The following CSMD3 variants were observed in gnomAD, a reference collection of about 807,000 sequenced individuals.
CSMD3 encodes the protein CUB and sushi domain-containing protein 3.
In CSMD3, 177 loss-of-function variants were observed where a neutral mutation model predicts 435.2. That is an observed-to-expected ratio of 0.41 (90% CI 0.36 to 0.46). CSMD3 has a LOEUF of 0.46. Among genes scored for constraint, CSMD3 ranks in the 20% least tolerant of loss-of-function variants. The pLI is 0.34. For synonymous variants in CSMD3, 1,656 were observed against 1,520.5 expected (o/e 1.09, Z -2.07); for missense variants, 4,265 against 4,504.6 (o/e 0.95, Z 1.52).
intron 13 of CSMD3, among the ~76,000 whole-genome samples, chr8:112,700,485 A>C (rs765121322): frequency 2.0e-5 from 3 of 152,164 alleles, no homozygotes; most frequent in Non-Finnish European, 4.4e-5. Context: ...TGGGCAACAA[A>C]AGCAGAACTC....
chr8:112,763,002 GTATTAACAATATTTC>G (rs1345074325), intron 13 of CSMD3, among the ~76,000 whole-genome samples: 1 of 151,580 alleles, frequency 6.6e-6, no homozygotes, highest in African/African-American at 2.4e-5. Flanking sequence ...ATGACTATAG[GTATTAACAATATTTC>G]TAGAAAAATG....
chr8:113,190,439 G>C (rs1481400107), intron 3 of CSMD3, among the ~76,000 whole-genome samples: 1 of 151,788 alleles, frequency 6.6e-6, no homozygotes, highest in Non-Finnish European at 1.5e-5. Context: ...TTGAAGCACA[G>C]AATGCATGGA....
At chr8:112,429,483 A>T (rs1008486612) in intron 32 of CSMD3, among the ~76,000 whole-genome samples, 1 of 152,104 alleles carries the variant, frequency 6.6e-6, no homozygotes, top group Non-Finnish European at 1.5e-5. Flanking sequence ...CTAGCATGAA[A>T]GACAGCCATT....
chr8:112,620,010 A>G (rs949106869), intron 22 of CSMD3, among the ~76,000 whole-genome samples: 1 of 152,140 alleles, frequency 6.6e-6, no homozygotes, highest in African/African-American at 2.4e-5. Flanking sequence ...CTGATTACAT[A>G]ATAAATAACC....
chr8:112,945,457 A>G (rs144591210), intron 9 of CSMD3, among the ~76,000 whole-genome samples: 1 of 151,878 alleles, frequency 6.6e-6, no homozygotes, highest in African/African-American at 2.4e-5. Context: ...AAAGTAGCCT[A>G]TGGGTACACA....
chr8:113,428,563 G>T (rs1270220760), intron 1 of CSMD3, among the ~76,000 whole-genome samples: 1 of 151,704 alleles, frequency 6.6e-6, no homozygotes, highest in Non-Finnish European at 1.5e-5. Flanking sequence ...ATACTTATTA[G>T]AATTCAATAC....
At chr8:112,666,890 TTTTC>T (rs575548993) in intron 16 of CSMD3, among the ~76,000 whole-genome samples, 30 of 152,186 alleles carry the variant, frequency 2.0e-4, no homozygotes, top group Non-Finnish European at 4.0e-4. Flanking sequence ...TCATCTGCTA[TTTTC>T]TTTCTTACTT....
chr8:113,435,019 G>C (rs1337881111), intron 1 of CSMD3, among the ~76,000 whole-genome samples: 1 of 152,174 alleles, frequency 6.6e-6, no homozygotes, highest in Non-Finnish European at 1.5e-5. Context: ...CCTCCCCCAC[G>C]CGAAGCGCGC....
In CSMD3 at chr8:112,893,650, C is replaced by T. The variant is rs148897144; in HGVS notation, c.1633+27977G>A. Reference sequence around the variant, plus strand: ...TTGCATATTCTCTGAGGCAGACTCTCTGGTATTTGAGTGCCTTACCAACTG... The same window carrying T: ...TTGCATATTCTCTGAGGCAGACTCTTTGGTATTTGAGTGCCTTACCAACTG... On this transcript the variant is annotated intron_variant, in intron 10 of 70. Coordinates refer to ENST00000297405, the MANE Select transcript of CSMD3 (RefSeq NM_198123.2). 2.0e-5 allele frequency among the ~76,000 whole-genome samples: 3 copies of T among 151,592 alleles called. No individual in the cohort carries two copies. The East Asian group carries it at 5.9e-4, about 30-fold the overall frequency.
At chr8:112,230,388 T>G (rs944402966) in intron 69 of CSMD3, among the ~76,000 whole-genome samples, 2 of 152,218 alleles carry the variant, frequency 1.3e-5, no homozygotes, top group Non-Finnish European at 2.9e-5. Context: ...CAGTTACATT[T>G]AACTAAACCT....
chr8:112,484,021 C>A (rs755280150), intron 31 of CSMD3, among the ~76,000 whole-genome samples: 1 of 152,102 alleles, frequency 6.6e-6, no homozygotes, highest in African/African-American at 2.4e-5. Flanking sequence ...CTCTATTTTT[C>A]TTTAACTCTT....
intron 2 of CSMD3, among the ~76,000 whole-genome samples, chr8:113,283,249 T>G (rs1193150163): frequency 6.6e-6 from 1 of 151,896 alleles, no homozygotes; most frequent in Non-Finnish European, 1.5e-5. Flanking sequence ...CTAAATAAAC[T>G]ACAGAGCTTT....
chr8:112,440,556 A>G (rs1453639184), intron 32 of CSMD3, among the ~76,000 whole-genome samples: 3 of 152,224 alleles, frequency 2.0e-5, no homozygotes, highest in Admixed American at 1.3e-4. Context: ...AGATCCCACA[A>G]TTCCCTTCCA....
At chr8:112,628,268 T>C (rs764697864) in intron 22 of CSMD3, among the ~76,000 whole-genome samples, 1 of 152,186 alleles carries the variant, frequency 6.6e-6, no homozygotes, top group East Asian at 1.9e-4. Context: ...TTATTCCATA[T>C]ACAGGTACAG....
At chr8:112,740,474 T>G (rs1428562717) in intron 13 of CSMD3, among the ~76,000 whole-genome samples, 2 of 151,736 alleles carry the variant, frequency 1.3e-5, no homozygotes, top group Admixed American at 1.3e-4. Flanking sequence ...CTAAGGTGAG[T>G]AAAATATAAT....
Position 112,681,503 on chromosome 8 carries a change from T to A in CSMD3, c.2677+939A>T, listed in dbSNP as rs74378115. On this transcript the variant is annotated intron_variant, in intron 16 of 70. Coordinates refer to ENST00000297405, the MANE Select transcript of CSMD3 (RefSeq NM_198123.2). ...CTAAATTGATATACTATGTAATTGA[T>A]GTTTTACTTTTAATTATGATCATCC... is the stretch of plus-strand genomic sequence containing the variant. 4.7e-3 allele frequency among the ~76,000 whole-genome samples: 720 copies of A among 152,290 alleles called. 10 individuals carry two copies. Among genetic ancestry groups the A allele is most frequent in the African/African-American group, 0.017 (696 of 41,568 alleles).
Position 112,289,436 on chromosome 8 carries a change from G to C in CSMD3, c.9077C>G (p.Ser3026Cys), listed in dbSNP as rs768108840. The C allele has an allele frequency of 1.2e-6, 2 of 1,613,366 alleles. No homozygotes were observed. The highest frequency in any genetic ancestry group is 1.7e-6 in the Non-Finnish European group (2 of 1,179,532). ...GGTTCTTGATGACTGGCCTAAAAGGGAACGCTTTCCTGTGCAGGAATAGTG... is the reference window on the plus strand; with the variant it reads ...GGTTCTTGATGACTGGCCTAAAAGGCAACGCTTTCCTGTGCAGGAATAGTG... ...TVHYSCTGKRSLLGQSSRTCQ... is the reference protein window; with the variant it reads ...TVHYSCTGKRCLLGQSSRTCQ... Residue 3026 changes from serine to cysteine, a missense_variant, in exon 57 of 71, where the codon TCC becomes TGC. Around this residue, in one of 3 missense-constraint regions of CSMD3, gnomAD observed 3,255 missense variants for 3,380.2 expected, o/e 0.96. Coordinates refer to ENST00000297405, the MANE Select transcript of CSMD3 (RefSeq NM_198123.2).
chr8:113,287,187 C>G (rs1387741006), intron 2 of CSMD3, among the ~76,000 whole-genome samples: 2 of 151,886 alleles, frequency 1.3e-5, no homozygotes, highest in Non-Finnish European at 2.9e-5. Context: ...ATAATACGAC[C>G]AGCATAAGCA....
At chr8:112,272,866 T>C (rs779112649) in intron 59 of CSMD3, among the ~76,000 whole-genome samples, 24 of 152,204 alleles carry the variant, frequency 1.6e-4, no homozygotes, top group Non-Finnish European at 3.1e-4. Flanking sequence ...TGTTTCTTTT[T>C]GGGGGTTTTT....
Sources: allele counts gnomAD v4.1 joint callset (sites outside exome capture counted in the v4.1 genomes callset), GRCh38; gene constraint gnomAD v4.1.1; regional missense constraint gnomAD v4.1.1; transcripts MANE v1.5; gene names NCBI Gene and HGNC (gene_info 2026-07-23, HGNC 2026-07-21).